The following SHISA9 variants were observed in gnomAD, a reference collection of about 807,000 sequenced individuals.
SHISA9 encodes protein shisa-9.
SHISA9 carries 13 observed loss-of-function variants against 38.0 expected under a neutral mutation model. That is an observed-to-expected ratio of 0.34 (90% CI 0.22 to 0.54). SHISA9 has a LOEUF of 0.54. Ranked by LOEUF, SHISA9 falls within the 20% of genes least tolerant of loss-of-function variation. SHISA9 has a pLI of 0.91. For synonymous variants in SHISA9, 275 were observed against 242.0 expected (o/e 1.14, Z -1.27); for missense variants, 538 against 575.8 (o/e 0.93, Z 0.67).
At chr16:12,923,918 G>C (rs765597062) in intron 2 of SHISA9, among the ~76,000 whole-genome samples, 6 of 152,136 alleles carry the variant, frequency 3.9e-5, no homozygotes, top group Non-Finnish European at 8.8e-5. Flanking sequence ...ACCCAGGTCT[G>C]TCCGACTCCA....
At chr16:13,143,995 CAGTT>C (rs2141998593) in intron 2 of SHISA9, among the ~76,000 whole-genome samples, 1 of 152,254 alleles carries the variant, frequency 6.6e-6, no homozygotes, top group South Asian at 2.1e-4. Flanking sequence ...AAAATAAACT[CAGTT>C]GGTTAAATAG....
intron 2 of SHISA9, among the ~76,000 whole-genome samples, chr16:12,946,238 C>T (rs1449477523): frequency 6.6e-6 from 1 of 152,180 alleles, no homozygotes; most frequent in East Asian, 1.9e-4. Flanking sequence ...GTTTTGGTTA[C>T]TGTAGCCCTG....
At chr16:13,554,439 A>G in the SHISA9 span, among the ~76,000 whole-genome samples, 3 of 151,568 alleles carry the variant, frequency 2.0e-5, no homozygotes, top group African/African-American at 4.8e-5. Context: ...AATGAAAAAA[A>G]TCATGGTAAA....
the SHISA9 span, among the ~76,000 whole-genome samples, chr16:13,269,007 A>T: frequency 1.3e-5 from 2 of 150,266 alleles, no homozygotes; most frequent in Admixed American, 6.6e-5. Context: ...ACATCCAGGT[A>T]AAAAAAAATA....
intron 2 of SHISA9, among the ~76,000 whole-genome samples, chr16:12,949,797 A>C (rs527662652): frequency 2.0e-5 from 3 of 152,326 alleles, no homozygotes; most frequent in African/African-American, 4.8e-5. Flanking sequence ...CATGCATACA[A>C]TGTGTAATAA....
At chr16:13,298,567 C>G in the SHISA9 span, among the ~76,000 whole-genome samples, 43 of 152,126 alleles carry the variant, frequency 2.8e-4, no homozygotes, top group Non-Finnish European at 5.4e-4. Context: ...GTACATTCCT[C>G]AGGATCACCA....
chr16:13,461,297 C>T, the SHISA9 span, among the ~76,000 whole-genome samples: 1 of 152,154 alleles, frequency 6.6e-6, no homozygotes, highest in African/African-American at 2.4e-5. Context: ...TATAGACTTA[C>T]AGCCAAGCGC....
chr16:13,436,867 A>G, the SHISA9 span, among the ~76,000 whole-genome samples: 23 of 152,366 alleles, frequency 1.5e-4, no homozygotes, highest in Middle Eastern at 3.4e-3. Flanking sequence ...AAATGATTAA[A>G]AGCAAGCAAG....
At chr16:13,439,208 T>A in the SHISA9 span, among the ~76,000 whole-genome samples, 3 of 152,170 alleles carry the variant, frequency 2.0e-5, no homozygotes, top group African/African-American at 7.2e-5. Context: ...CAGTGAGTAG[T>A]TTCCAGGGGC....
intron 2 of SHISA9, among the ~76,000 whole-genome samples, chr16:13,186,287 C>CTTTT (rs1567239378): frequency 1.6e-5 from 2 of 123,814 alleles, no homozygotes; most frequent in Admixed American, 8.3e-5. Flanking sequence ...ACCATCTTAA[C>CTTTT]CTTTTTTTTT....
At chr16:13,109,338 T>C (rs941908545) in intron 2 of SHISA9, among the ~76,000 whole-genome samples, 1 of 152,164 alleles carries the variant, frequency 6.6e-6, no homozygotes, top group Non-Finnish European at 1.5e-5. Flanking sequence ...GATCCACTTG[T>C]GGTCTTCAAG....
the SHISA9 span, among the ~76,000 whole-genome samples, chr16:13,531,750 C>G: frequency 6.6e-6 from 1 of 152,130 alleles, no homozygotes; most frequent in Non-Finnish European, 1.5e-5. Context: ...GACTGAATTG[C>G]TTACCTGTGA....
At chr16:13,262,630 G>T in the SHISA9 span, among the ~76,000 whole-genome samples, 2 of 72,052 alleles carry the variant, frequency 2.8e-5, no homozygotes, top group Non-Finnish European at 5.4e-5. Context: ...AATTGTTATT[G>T]TGGAAGGAAG....
At chr16:13,252,582 G>A in the SHISA9 span, among the ~76,000 whole-genome samples, 1 of 152,172 alleles carries the variant, frequency 6.6e-6, no homozygotes, top group East Asian at 1.9e-4. Flanking sequence ...CCTTCTCAGT[G>A]AGGCCTGATG....
rs114224418 is a variant in SHISA9 at position 13,218,411 on chromosome 16, C to T, written c.895+5111C>T. ...CAATCGCAGTTTGCGACACAGCATC[C>T]GTTTACATACCGGCGTTCTTCCCAA... is the stretch of plus-strand genomic sequence containing the variant. On this transcript the variant is annotated intron_variant, in intron 4 of 4. Transcript: ENST00000558583. Among the ~76,000 whole-genome samples, 439 of 152,292 alleles carry T rather than the reference C, an allele frequency of 2.9e-3. 4 individuals are homozygous for T. Among genetic ancestry groups the T allele is most frequent in the African/African-American group, 9.8e-3 (408 of 41,554 alleles).
chr16:13,014,718 T>C (rs182374322), intron 2 of SHISA9, among the ~76,000 whole-genome samples: 140 of 152,350 alleles, frequency 9.2e-4, no homozygotes, highest in Middle Eastern at 3.4e-3. Context: ...GAATTCAGGA[T>C]GTTAACCTGC....
At chr16:12,992,443 A>G (rs1052407993) in intron 2 of SHISA9, among the ~76,000 whole-genome samples, 1 of 151,958 alleles carries the variant, frequency 6.6e-6, no homozygotes, top group Non-Finnish European at 1.5e-5. Context: ...GAGGCAGAAG[A>G]ATCGCTTGAA....
At chr16:13,216,457 T>G (rs1489698946) in intron 4 of SHISA9, among the ~76,000 whole-genome samples, 1 of 152,246 alleles carries the variant, frequency 6.6e-6, no homozygotes, top group East Asian at 1.9e-4. Flanking sequence ...AGTAGTACTG[T>G]TATTATCAGA....
chr16:13,336,638 A>G, the SHISA9 span, among the ~76,000 whole-genome samples: 1 of 152,214 alleles, frequency 6.6e-6, no homozygotes, highest in Non-Finnish European at 1.5e-5. Context: ...CTGCCTTTGG[A>G]TAATCACCAA....
Sources: allele counts gnomAD v4.1 joint callset (sites outside exome capture counted in the v4.1 genomes callset), GRCh38; gene constraint gnomAD v4.1.1; transcripts MANE v1.5; gene names NCBI Gene and HGNC (gene_info 2026-07-23, HGNC 2026-07-21).